The following COL4A2 variants were observed in gnomAD, a reference collection of about 807,000 sequenced individuals.
COL4A2 encodes collagen alpha-2(IV) chain.
A neutral mutation model predicts 200.2 loss-of-function variants in COL4A2; 99 were observed. The ratio of observed to expected loss-of-function variants is 0.49; its 90% CI spans 0.42 to 0.58. COL4A2 has a LOEUF of 0.58. Among genes scored for constraint, COL4A2 ranks in the 20% least tolerant of loss-of-function variants. The pLI is 0.00. For missense variants in COL4A2, 1,950 were observed against 2,314.1 expected (o/e 0.84, Z 3.23); for synonymous variants, 897 against 900.6 (o/e 1.00, Z 0.07).
rs561437735 is a variant in COL4A2, at chr13:110,466,950, G to A, written c.2039-90G>A. 7.5e-5 allele frequency: 116 copies of A among 1,549,898 alleles called. No homozygotes were observed. In the East Asian group the frequency reaches 2.3e-3, roughly 31 times the overall value. On this transcript the variant is annotated intron_variant, in intron 26 of 47. Transcript: ENST00000360467. ...CCCAGAATGGTAGCCGGTTTGCACAGCTCGTGCTTTTGCCCTTGGGGATCC... is the reference window on the plus strand; with the variant it reads ...CCCAGAATGGTAGCCGGTTTGCACAACTCGTGCTTTTGCCCTTGGGGATCC...
chr13:110,457,651 C>T (rs186458089), intron 21 of COL4A2: 28 of 674,906 alleles, frequency 4.1e-5, no homozygotes, highest in African/African-American at 4.1e-4. Context: ...GCTCACCGTC[C>T]CTGCTCTCCA....
Position 110,353,906 on chromosome 13 carries a change from A to T in COL4A2, c.100-3566A>T, listed in dbSNP as rs1407129094. Among the ~76,000 whole-genome samples, 3 of 152,222 alleles carry T rather than the reference A, an allele frequency of 2.0e-5. No individual in the cohort carries two copies. In the East Asian group the frequency reaches 5.8e-4, roughly 29 times the overall value. On this transcript the variant is annotated intron_variant, in intron 3 of 47. Transcript: ENST00000360467. ...AATATAGCACTGGAGCCATCGGTACATGTAGAAAAGTGTTACTGGGAGGTA... is the reference window on the plus strand; with the variant it reads ...AATATAGCACTGGAGCCATCGGTACTTGTAGAAAAGTGTTACTGGGAGGTA...
At chr13:110,442,380 C>T (rs1433744543) in intron 16 of COL4A2, among the ~76,000 whole-genome samples, 1 of 152,206 alleles carries the variant, frequency 6.6e-6, no homozygotes, top group African/African-American at 2.4e-5. Context: ...ACGCAGCCGC[C>T]GTGCTTGTGA....
intron 4 of COL4A2, among the ~76,000 whole-genome samples, chr13:110,414,433 T>G (rs1243595487): frequency 1.3e-5 from 2 of 152,250 alleles, no homozygotes; most frequent in Non-Finnish European, 2.9e-5. Flanking sequence ...TCCCCGTTGT[T>G]GGTACTTTGG....
chr13:110,376,104 C>T (rs1174734898), intron 4 of COL4A2, among the ~76,000 whole-genome samples: 2 of 152,190 alleles, frequency 1.3e-5, no homozygotes, highest in Non-Finnish European at 2.9e-5. Flanking sequence ...CTGACATTCA[C>T]TGGCTTAGGG....
chr13:110,498,491 A>G (rs1222846980), intron 40 of COL4A2, among the ~76,000 whole-genome samples: 3 of 152,180 alleles, frequency 2.0e-5, no homozygotes, highest in Admixed American at 1.3e-4. Flanking sequence ...GGGTCACAGA[A>G]CACAGCTGCT....
chr13:110,497,240 T>C (rs1164546539), intron 40 of COL4A2, among the ~76,000 whole-genome samples: 3 of 147,388 alleles, frequency 2.0e-5, no homozygotes, highest in Non-Finnish European at 4.5e-5. Context: ...GGGGTGAAGA[T>C]CTAGGTCAAT....
At chr13:110,415,861 A>C (rs1030268259) in intron 4 of COL4A2, among the ~76,000 whole-genome samples, 1 of 152,230 alleles carries the variant, frequency 6.6e-6, no homozygotes, top group Non-Finnish European at 1.5e-5. Flanking sequence ...CAGAGGCCCC[A>C]TGGGGTAATG....
At chr13:110,353,128 T>C (rs7139699) in intron 3 of COL4A2, among the ~76,000 whole-genome samples, 25,845 of 152,192 alleles carry the variant, frequency 0.17, 6,773 homozygotes, top group African/African-American at 0.56. Context: ...CCTGTGATTG[T>C]TGTAAAAAGA....
chr13:110,474,743 G>GA lies in COL4A2; in HGVS notation c.2425+1593_2425+1594insA, dbSNP rs1882624882. On this transcript the variant is annotated intron_variant, in intron 29 of 47. Coordinates refer to ENST00000360467, the MANE Select transcript of COL4A2 (RefSeq NM_001846.4). ...CACACACGCACGTACCCACACACGT[G>GA]CCGTGCACACTCACACATCACACAC... Among the ~76,000 whole-genome samples the GA allele has an allele frequency of 1.9e-5, 2 of 106,782 alleles. 1 individual carries two copies. The highest frequency in any genetic ancestry group is 4.0e-5 in the Non-Finnish European group (2 of 50,616). 70.1% of individuals were successfully genotyped at this position (106,782 alleles called of 152,430 possible).
chr13:110,318,684 C>T (rs1161202115), intron 3 of COL4A2, among the ~76,000 whole-genome samples: 5 of 152,292 alleles, frequency 3.3e-5, no homozygotes, highest in African/African-American at 1.2e-4. Context: ...TAAAATAGTT[C>T]TTACCTTATG....
chr13:110,440,694 A>T (rs112538796), intron 16 of COL4A2, among the ~76,000 whole-genome samples: 1,582 of 152,322 alleles, frequency 0.01, 21 homozygotes, highest in African/African-American at 0.034. Flanking sequence ...ACACAATGTT[A>T]TAGTTCAGTG....
At chr13:110,460,793 G>T (rs1414151866) in intron 22 of COL4A2, among the ~76,000 whole-genome samples, 1 of 152,158 alleles carries the variant, frequency 6.6e-6, no homozygotes, top group African/African-American at 2.4e-5. Flanking sequence ...TGAAGTGTGG[G>T]AGTGGGTCAA....
chr13:110,455,029 C>T (rs1299069915), intron 20 of COL4A2, among the ~76,000 whole-genome samples: 2 of 152,168 alleles, frequency 1.3e-5, no homozygotes, highest in Non-Finnish European at 2.9e-5. Flanking sequence ...TACTGGCTCC[C>T]TCACAATCCT....
chr13:110,363,654 A>G (rs1459943027), intron 4 of COL4A2, among the ~76,000 whole-genome samples: 2 of 152,176 alleles, frequency 1.3e-5, no homozygotes, highest in Non-Finnish European at 2.9e-5. Flanking sequence ...CGCAGATATG[A>G]AGCAAAGCCA....
At chr13:110,320,281 C>T (rs1469015566) in intron 3 of COL4A2, among the ~76,000 whole-genome samples, 1 of 152,164 alleles carries the variant, frequency 6.6e-6, no homozygotes, top group Non-Finnish European at 1.5e-5. Flanking sequence ...AGTCATTGGC[C>T]CCCTACGGCG....
chr13:110,366,312 A>C (rs1190456920), intron 4 of COL4A2, among the ~76,000 whole-genome samples: 4 of 152,246 alleles, frequency 2.6e-5, no homozygotes, highest in Non-Finnish European at 4.4e-5. Context: ...CAGCAGGAAG[A>C]ATGTCTGAAG....
intron 4 of COL4A2, among the ~76,000 whole-genome samples, chr13:110,382,230 T>C (rs956933592): frequency 4.6e-5 from 7 of 152,238 alleles, no homozygotes; most frequent in African/African-American, 1.7e-4. Flanking sequence ...GGACAAGTAT[T>C]TGAGGACAGT....
intron 4 of COL4A2, 103 bp from the exon 5 acceptor site, chr13:110,424,631 C>T: frequency 4.3e-6 from 3 of 702,038 alleles, no homozygotes; most frequent in South Asian, 4.5e-5. Flanking sequence ...GATTATAGCT[C>T]TTTAAAAACA....
Sources: allele counts gnomAD v4.1 joint callset (sites outside exome capture counted in the v4.1 genomes callset), GRCh38; gene constraint gnomAD v4.1.1; transcripts MANE v1.5; gene names NCBI Gene and HGNC (gene_info 2026-07-23, HGNC 2026-07-21).